Variants in DOCK1 observed in about 807,000 individuals in gnomAD.
DOCK1 encodes dedicator of cytokinesis protein 1.
Under a neutral mutation model 262.7 loss-of-function variants are expected in DOCK1, and 138 were observed. The observed-to-expected ratio is 0.53, with a 90% CI of 0.46 to 0.61. The LOEUF (loss-of-function observed/expected upper bound fraction) is 0.61, where lower values mean the gene tolerates loss of function less well. Among genes scored for constraint, DOCK1 ranks in the 20% least tolerant of loss-of-function variants. The pLI, the probability that DOCK1 is intolerant of heterozygous loss-of-function variation, is 0.00. For missense variants in DOCK1, 1,908 were observed against 2,370.7 expected (o/e 0.80, Z 4.05); for synonymous variants, 866 against 867.4 (o/e 1.00, Z 0.03).
At chr10:127,389,929 G>A (rs537580058) in intron 38 of DOCK1, among the ~76,000 whole-genome samples, 7 of 151,690 alleles carry the variant, frequency 4.6e-5, no homozygotes, top group Non-Finnish European at 7.4e-5. Flanking sequence ...CATGAGAATC[G>A]CTTGAACCTG....
chr10:127,418,039 G>C (rs1480986198), intron 44 of DOCK1, among the ~76,000 whole-genome samples: 1 of 152,060 alleles, frequency 6.6e-6, no homozygotes, highest in Non-Finnish European at 1.5e-5. Context: ...AACAAGAACA[G>C]GATTGGAAGT....
intron 30 of DOCK1, among the ~76,000 whole-genome samples, chr10:127,343,120 C>T (rs554325477): frequency 6.6e-6 from 1 of 152,114 alleles, no homozygotes; most frequent in Non-Finnish European, 1.5e-5. Context: ...TGGTGCACAC[C>T]TGTAGTCCCA....
At chr10:127,021,131 T>G (rs1226032846) in intron 13 of DOCK1, among the ~76,000 whole-genome samples, 1 of 152,182 alleles carries the variant, frequency 6.6e-6, no homozygotes, top group Non-Finnish European at 1.5e-5. Flanking sequence ...AATGAGGTCT[T>G]ACTTCTGTGC....
chr10:127,214,745 C>T (rs1200912656), intron 27 of DOCK1, among the ~76,000 whole-genome samples: 1 of 152,098 alleles, frequency 6.6e-6, no homozygotes, highest in African/African-American at 2.4e-5. Flanking sequence ...CAGATGATTA[C>T]CTTAGGGAAA....
chr10:127,324,918 G>C (rs761923339), intron 29 of DOCK1, among the ~76,000 whole-genome samples: 25 of 152,064 alleles, frequency 1.6e-4, no homozygotes, highest in Admixed American at 1.3e-4. Context: ...AGTCATCTTA[G>C]GGAACCAGCA....
chr10:127,434,279 C>T (rs149384969), intron 48 of DOCK1, among the ~76,000 whole-genome samples: 1 of 152,010 alleles, frequency 6.6e-6, no homozygotes, highest in East Asian at 1.9e-4. Context: ...TGAGAATGAC[C>T]ATCTGTCCCT....
chr10:127,059,931 C>T (rs1264539886), intron 22 of DOCK1, among the ~76,000 whole-genome samples: 1 of 152,120 alleles, frequency 6.6e-6, no homozygotes, highest in African/African-American at 2.4e-5. Flanking sequence ...GATAATTCAT[C>T]CTGCCTTCTT....
At chr10:127,093,253 T>TCTTTCTTC (rs1413349857) in intron 23 of DOCK1, among the ~76,000 whole-genome samples, 5 of 127,864 alleles carry the variant, frequency 3.9e-5, no homozygotes, top group African/African-American at 1.6e-4. Context: ...TTTTTTTTTT[T>TCTTTCTTC]TTTTTTTTTG....
intron 27 of DOCK1, among the ~76,000 whole-genome samples, chr10:127,225,475 A>G (rs2058601093): frequency 6.6e-6 from 1 of 152,202 alleles, no homozygotes; most frequent in Non-Finnish European, 1.5e-5. Context: ...ATAGGTTGTA[A>G]TGGAACCCCT....
intron 29 of DOCK1, among the ~76,000 whole-genome samples, chr10:127,297,264 C>A (rs1410052295): frequency 6.6e-6 from 1 of 152,110 alleles, no homozygotes; most frequent in East Asian, 1.9e-4. Flanking sequence ...GCCTCCAGGG[C>A]AGTAGGATAA....
At chr10:127,066,798 A>G (rs908747622) in intron 23 of DOCK1, among the ~76,000 whole-genome samples, 7 of 152,216 alleles carry the variant, frequency 4.6e-5, no homozygotes, top group Non-Finnish European at 1.0e-4. Context: ...TTAAGTAGAT[A>G]CTTTGATTGC....
At chr10:127,334,561 T>G (rs1192100453) in intron 29 of DOCK1, among the ~76,000 whole-genome samples, 1 of 152,224 alleles carries the variant, frequency 6.6e-6, no homozygotes, top group Non-Finnish European at 1.5e-5. Context: ...TTCTCTCCAT[T>G]GAGCCATTAA....
intron 36 of DOCK1, among the ~76,000 whole-genome samples, chr10:127,380,908 CTG>C (rs1240604234): frequency 6.6e-6 from 1 of 152,250 alleles, no homozygotes; most frequent in East Asian, 1.9e-4. Context: ...ATCACATTGA[CTG>C]TAATCATTGG....
chr10:127,138,364 C>G (rs2050893752), intron 27 of DOCK1, among the ~76,000 whole-genome samples: 1 of 152,070 alleles, frequency 6.6e-6, no homozygotes, highest in African/African-American at 2.4e-5. Context: ...TGGAGTAAAA[C>G]AGAAAACCAA....
Position 127,176,085 on chromosome 10 carries a change from C to T in DOCK1, c.2847+48321C>T. ...CTTAAGGTCGGGCGAGGTCTGCACGCCTGTGCTCTTGGTGACGTTGGGGAT... is the reference window on the plus strand; with the variant it reads ...CTTAAGGTCGGGCGAGGTCTGCACGTCTGTGCTCTTGGTGACGTTGGGGAT... On this transcript the variant is annotated intron_variant, in intron 27 of 51. Transcript: ENST00000623213. The surrounding 1 kb of genome is among the most constrained non-coding windows in gnomAD (Gnocchi z 4.4). 2 of 1,614,158 alleles carry T rather than the reference C, an allele frequency of 1.2e-6. No individual in the cohort carries two copies. Among genetic ancestry groups the T allele is most frequent in the Non-Finnish European group, 8.5e-7 (1 of 1,180,030 alleles).
At chr10:127,266,018 C>T (rs1273282587) in intron 29 of DOCK1, among the ~76,000 whole-genome samples, 2 of 152,212 alleles carry the variant, frequency 1.3e-5, no homozygotes, top group Admixed American at 6.5e-5. Context: ...GGAAAGGCAC[C>T]GCTTGCCTTA....
intron 29 of DOCK1, among the ~76,000 whole-genome samples, chr10:127,282,248 T>TTCTC (rs146601755): frequency 1.1e-4 from 17 of 149,254 alleles, no homozygotes; most frequent in Non-Finnish European, 2.2e-4. Flanking sequence ...TCTGTCTCTT[T>TTCTC]TCTCTCTCTC....
intron 1 of DOCK1, among the ~76,000 whole-genome samples, chr10:126,924,544 C>T (rs185918575): frequency 1.6e-4 from 24 of 152,268 alleles, no homozygotes; most frequent in Admixed American, 1.2e-3. Context: ...AAAAGGCAAA[C>T]GGCCCTTGAA....
intron 29 of DOCK1, among the ~76,000 whole-genome samples, chr10:127,289,398 T>C (rs2061272469): frequency 1.3e-5 from 2 of 152,206 alleles, no homozygotes; most frequent in Admixed American, 1.3e-4. Context: ...CTTTTACTGT[T>C]ATAGATGGTG....
Sources: allele counts gnomAD v4.1 joint callset (sites outside exome capture counted in the v4.1 genomes callset), GRCh38; gene constraint gnomAD v4.1.1; non-coding constraint Gnocchi (gnomAD v3.1); transcripts MANE v1.5; gene names NCBI Gene and HGNC (gene_info 2026-07-23, HGNC 2026-07-21).